Variants in DACH1 observed in about 807,000 individuals in gnomAD.
DACH1 encodes the protein dachshund homolog 1.
In DACH1, 12 loss-of-function variants were observed where a neutral mutation model predicts 54.2. The ratio of observed to expected loss-of-function variants is 0.22; its 90% CI spans 0.14 to 0.36. The LOEUF (loss-of-function observed/expected upper bound fraction) is 0.36, where lower values mean the gene tolerates loss of function less well. Ranked by LOEUF, DACH1 falls within the 10% of genes least tolerant of loss-of-function variation. The probability of loss-of-function intolerance (pLI) is 1.00; values close to 1 mark genes in which losing one functional copy is unlikely to be tolerated. For missense variants in DACH1, 805 were observed against 929.8 expected (o/e 0.87, Z 1.75); for synonymous variants, 386 against 366.2 (o/e 1.05, Z -0.62).
At chr13:71,829,977 T>C (rs190398944) in intron 1 of DACH1, among the ~76,000 whole-genome samples, 167 of 152,034 alleles carry the variant, frequency 1.1e-3, no homozygotes, top group Non-Finnish European at 1.8e-3. Flanking sequence ...AATTAATTTG[T>C]ATGCTTTACC....
chr13:71,514,588 T>A (rs898263967), intron 6 of DACH1, among the ~76,000 whole-genome samples: 1 of 151,856 alleles, frequency 6.6e-6, no homozygotes, highest in African/African-American at 2.4e-5. Context: ...TATATAGATA[T>A]ATATAGTTAT....
In DACH1 at chr13:71,654,463, A is replaced by ATAAAG. The variant is rs1878941777; in HGVS notation, c.965-23747_965-23746insCTTTA. On this transcript the variant is annotated intron_variant, in intron 2 of 10. Coordinates refer to ENST00000613252, the MANE Select transcript of DACH1 (RefSeq NM_080759.6). ...ATAAAATAAAATAAAATAAAGTAAA[A>ATAAAG]TAAAATAAAATAAAATAAAATAAAA... Among the ~76,000 whole-genome samples, 183 of 71,992 alleles carry ATAAAG rather than the reference A, an allele frequency of 2.5e-3. 2 individuals carry two copies. The highest frequency in any genetic ancestry group is 3.6e-3 in the Non-Finnish European group (147 of 41,256). The allele number at this position is 71,992 out of a possible 152,430, so 47.2% of individuals were successfully genotyped here.
intron 3 of DACH1, among the ~76,000 whole-genome samples, chr13:71,607,331 T>G (rs1461834778): frequency 6.6e-6 from 1 of 152,062 alleles, no homozygotes; most frequent in Non-Finnish European, 1.5e-5. Context: ...ATTATTGTTT[T>G]GTATAAAACA....
At chr13:71,853,886 T>C (rs1000492743) in intron 1 of DACH1, among the ~76,000 whole-genome samples, 6 of 152,152 alleles carry the variant, frequency 3.9e-5, no homozygotes, top group African/African-American at 1.4e-4. Context: ...CTTTTTGAAG[T>C]TATTATCGGC....
chr13:71,744,627 G>A (rs1884532264), intron 1 of DACH1, among the ~76,000 whole-genome samples: 1 of 152,174 alleles, frequency 6.6e-6, no homozygotes. Flanking sequence ...AGACCATGCT[G>A]CTAAGAATAT....
intron 6 of DACH1, among the ~76,000 whole-genome samples, chr13:71,521,871 T>C (rs1881626227): frequency 6.6e-6 from 1 of 152,150 alleles, no homozygotes; most frequent in African/African-American, 2.4e-5. Context: ...CTAATAATAA[T>C]GAAAACTATT....
In DACH1 at chr13:71,835,870, A is replaced by C. The variant is rs1285676303; in HGVS notation, c.848+30052T>G. ...GATTCATTTTCTAACATTCTCCTACAAATCTTCTACTATCTCATAAAATCG... is the reference window on the plus strand; with the variant it reads ...GATTCATTTTCTAACATTCTCCTACCAATCTTCTACTATCTCATAAAATCG... On this transcript the variant is annotated intron_variant, in intron 1 of 10. Coordinates refer to ENST00000613252, the MANE Select transcript of DACH1 (RefSeq NM_080759.6). Among the ~76,000 whole-genome samples, 4 of 152,228 alleles carry C rather than the reference A, an allele frequency of 2.6e-5. No individual in the cohort carries two copies. In the East Asian group the frequency reaches 7.7e-4, roughly 29 times the overall value.
intron 1 of DACH1, among the ~76,000 whole-genome samples, chr13:71,810,170 C>A (rs566309802): frequency 6.6e-6 from 1 of 152,104 alleles, no homozygotes; most frequent in African/African-American, 2.4e-5. Flanking sequence ...AAATACCAGG[C>A]GCTGTACTAG....
At position 71,831,263 on chromosome 13, in the gene DACH1, G is replaced by A. The variant is rs150813822; in HGVS notation, c.848+34659C>T. ...TAATTTTTTTATTCCTAAATATTTC[G>A]AATATGGAATTGTTAGTTTTTCTCA... On this transcript the variant is annotated intron_variant, in intron 1 of 10. Transcript: ENST00000613252. Among the ~76,000 whole-genome samples, 327 of 151,132 alleles carry A rather than the reference G, an allele frequency of 2.2e-3. 2 individuals are homozygous for A. The highest frequency in any genetic ancestry group is 7.6e-3 in the African/African-American group (312 of 41,240).
At chr13:71,503,819 C>T (rs978771501) in intron 6 of DACH1, among the ~76,000 whole-genome samples, 1 of 152,112 alleles carries the variant, frequency 6.6e-6, no homozygotes, top group Non-Finnish European at 1.5e-5. Flanking sequence ...CCTTTATATC[C>T]CTTTTACCTA....
At chr13:71,620,350 A>G (rs1876129815) in intron 3 of DACH1, among the ~76,000 whole-genome samples, 1 of 151,990 alleles carries the variant, frequency 6.6e-6, no homozygotes, top group South Asian at 2.1e-4. Flanking sequence ...TTAACAGATT[A>G]TTTATAAATA....
In DACH1 at chr13:71,559,941, A is replaced by G; in HGVS notation, c.1314T>C (p.Asp438=). ...CCAGAGAGGGGGCAGGTGAGGGGCT[A>G]TCAGGAACACGCTCCTGCACCAGCA... The part of the protein sequence containing the change: ...ETSVIKERVP[D]SPSPAPSLEE... Residue 438 remains aspartate (D), a synonymous_variant, in exon 5 of 11, where the codon GAT becomes GAC. Coordinates refer to ENST00000613252, the MANE Select transcript of DACH1 (RefSeq NM_080759.6). The G allele has an allele frequency of 6.3e-7, 1 of 1,586,034 alleles. No individual in the cohort carries two copies. Among genetic ancestry groups the G allele is most frequent in the African/African-American group, 1.4e-5 (1 of 73,912 alleles).
At chr13:71,578,488 T>C (rs528897427) in intron 3 of DACH1, among the ~76,000 whole-genome samples, 132 of 152,268 alleles carry the variant, frequency 8.7e-4, no homozygotes, top group Middle Eastern at 6.8e-3. Flanking sequence ...AAAAAAATGA[T>C]ATAAAACGTC....
At chr13:71,518,086 T>C (rs1322200531) in intron 6 of DACH1, among the ~76,000 whole-genome samples, 2 of 151,908 alleles carry the variant, frequency 1.3e-5, no homozygotes, top group Non-Finnish European at 2.9e-5. Flanking sequence ...TAATATGTAA[T>C]ACTAGTGTGA....
intron 10 of DACH1, among the ~76,000 whole-genome samples, chr13:71,465,581 T>C (rs1876496564): frequency 1.3e-5 from 2 of 152,242 alleles, no homozygotes; most frequent in South Asian, 2.1e-4. Context: ...AGTCATTATA[T>C]ACATTTTTTG....
In DACH1 at chr13:71,866,107, G is replaced by C. The variant is rs1283037559; in HGVS notation, c.663C>G (p.His221Gln). ...LPQAFDLFLK[H>Q]LVGGLHTVYT... ...AGACCGTATGCAAGCCCCCCACCAA[G>C]TGCTTCAGGAACAGGTCGAAAGCCT... Residue 221 changes from histidine (H) to glutamine (Q), a missense_variant, in exon 1 of 11, where the codon CAC (histidine) becomes CAG (glutamine). Coordinates refer to ENST00000613252, the MANE Select transcript of DACH1 (RefSeq NM_080759.6). 1 of 1,613,548 alleles carries C rather than the reference G, an allele frequency of 6.2e-7. No individual in the cohort carries two copies. The highest frequency in any genetic ancestry group is 8.5e-7 in the Non-Finnish European group (1 of 1,179,898).
intron 10 of DACH1, among the ~76,000 whole-genome samples, chr13:71,462,799 A>ACTT (rs1351875172): frequency 6.6e-6 from 1 of 151,742 alleles, no homozygotes; most frequent in African/African-American, 2.4e-5. Context: ...TTGGTATTAT[A>ACTT]CTTAGTATTA....
chr13:71,602,466 C>T (rs991594305), intron 3 of DACH1, among the ~76,000 whole-genome samples: 2 of 151,892 alleles, frequency 1.3e-5, no homozygotes, highest in African/African-American at 4.8e-5. Flanking sequence ...ACCCACTTTG[C>T]CTTCTGTTTC....
intron 1 of DACH1, among the ~76,000 whole-genome samples, chr13:71,806,331 A>T (rs1404475111): frequency 1.3e-5 from 2 of 152,108 alleles, no homozygotes; most frequent in Non-Finnish European, 2.9e-5. Context: ...GCCATTCGAC[A>T]ATCACAGCAC....
Sources: allele counts gnomAD v4.1 joint callset (sites outside exome capture counted in the v4.1 genomes callset), GRCh38; gene constraint gnomAD v4.1.1; transcripts MANE v1.5; gene names NCBI Gene and HGNC (gene_info 2026-07-23, HGNC 2026-07-21).